The following CPEB1 variants were observed in gnomAD, a reference collection of about 807,000 sequenced individuals.
CPEB1 encodes cytoplasmic polyadenylation element binding protein 1, also known as cytoplasmic polyadenylation element-binding protein 1.
In CPEB1, 7 loss-of-function variants were observed where a neutral mutation model predicts 65.8. That is an observed-to-expected ratio of 0.11 (90% CI 0.06 to 0.20). The LOEUF is 0.20. CPEB1 is among the 10% of genes least tolerant of loss of function. The probability of loss-of-function intolerance (pLI) is 1.00; values close to 1 mark genes in which losing one functional copy is unlikely to be tolerated. For synonymous variants in CPEB1, 262 were observed against 260.0 expected, an observed-to-expected ratio of 1.01 and a Z score of -0.08; for missense variants, 551 against 712.2, an observed-to-expected ratio of 0.77 and a Z score of 2.58.
At position 82,544,715 on chromosome 15, in the gene CPEB1, A is replaced by G; in HGVS notation, c.1657-13T>C. The stretch of plus-strand genomic sequence containing the variant: ...ATTTGAAGCAGACCTGGGTTGGGGG[A>G]ACAAAAAGGAGGATGCCATGCCTGT... On this transcript the variant is annotated splice_polypyrimidine_tract_variant and intron_variant, in intron 12 of 12. Transcript: ENST00000684509. 1.9e-6 allele frequency: 3 copies of G among 1,598,752 alleles called. No homozygotes were observed. The highest frequency in any genetic ancestry group is 2.6e-6 in the Non-Finnish European group (3 of 1,167,610).
At chr15:82,589,297 G>A (rs1005821260) in intron 3 of CPEB1, among the ~76,000 whole-genome samples, 1 of 152,222 alleles carries the variant, frequency 6.6e-6, no homozygotes, top group Admixed American at 6.5e-5. Context: ...CTACATGGCT[G>A]ACTACTTGTT....
At chr15:82,614,144 C>CTCCTAACCACATAAAAATATG (rs1303418438) in intron 3 of CPEB1, among the ~76,000 whole-genome samples, 1 of 152,086 alleles carries the variant, frequency 6.6e-6, no homozygotes, top group Non-Finnish European at 1.5e-5. Context: ...GCGTCCTCTT[C>CTCCTAACCACATAAAAATATG]GTCACTCCTA....
At chr15:82,572,705 A>C (rs2040207196) in intron 3 of CPEB1, among the ~76,000 whole-genome samples, 3 of 152,170 alleles carry the variant, frequency 2.0e-5, no homozygotes, top group African/African-American at 7.2e-5. Flanking sequence ...TAGCTCTGTC[A>C]ATATTGCTTC....
chr15:82,620,937 A>G (rs901348974), intron 3 of CPEB1, among the ~76,000 whole-genome samples: 1 of 152,234 alleles, frequency 6.6e-6, no homozygotes, highest in Non-Finnish European at 1.5e-5. Context: ...GTATATAAAA[A>G]TTCAGTGAAT....
intron 3 of CPEB1, among the ~76,000 whole-genome samples, chr15:82,594,552 C>T (rs543941067): frequency 6.6e-4 from 101 of 152,296 alleles, no homozygotes; most frequent in Non-Finnish European, 1.3e-3. Flanking sequence ...ACTACTCAAA[C>T]TTTCCCATAT....
At chr15:82,601,280 C>A (rs1235942844) in intron 3 of CPEB1, among the ~76,000 whole-genome samples, 1 of 151,736 alleles carries the variant, frequency 6.6e-6, no homozygotes, top group African/African-American at 2.4e-5. Flanking sequence ...GTGGCTCACG[C>A]CTGTAATCCC....
chr15:82,601,370 G>A (rs556888951), intron 3 of CPEB1, among the ~76,000 whole-genome samples: 5 of 151,860 alleles, frequency 3.3e-5, no homozygotes, highest in East Asian at 3.9e-4. Context: ...ACTAAACCCC[G>A]TTTCTACTAA....
intron 2 of CPEB1, 40 bp from the exon 3 acceptor site, chr15:82,627,407 T>C (rs946299481): frequency 1.3e-6 from 2 of 1,487,782 alleles, no homozygotes; most frequent in African/African-American, 2.8e-5. Flanking sequence ...TTTTCTACAC[T>C]CCTTTATGAC....
At position 82,608,516 on chromosome 15, in the gene CPEB1, G is replaced by A. The variant is rs201740642; in HGVS notation, c.271+18677C>T. 5.0e-3 allele frequency among the ~76,000 whole-genome samples: 742 copies of A among 148,984 alleles called. 5 individuals are homozygous for A. The highest frequency in any genetic ancestry group is 6.1e-3 in the Non-Finnish European group (411 of 67,594). ...GTTTTCAGGGTTGTAGTAGAGCTAG[G>A]GAGGAAGGTATGAAAATAATACAAA... On this transcript the variant is annotated intron_variant, in intron 3 of 12. Transcript: ENST00000684509.
At chr15:82,593,943 T>C (rs1241626274) in intron 3 of CPEB1, among the ~76,000 whole-genome samples, 2 of 152,232 alleles carry the variant, frequency 1.3e-5, no homozygotes, top group Non-Finnish European at 2.9e-5. Context: ...CAGTTAGCCA[T>C]AGTGCAAACA....
chr15:82,552,721 A>G (rs1284786603), intron 8 of CPEB1, 105 bp from the exon 9 acceptor site: 5 of 1,263,644 alleles, frequency 4.0e-6, no homozygotes, highest in East Asian at 2.4e-5. Context: ...GGTCTTGTGT[A>G]TAAGATACAT....
In CPEB1 at chr15:82,544,574, T is replaced by TG; in HGVS notation, c.*17dup. On this transcript the variant is annotated 3_prime_UTR_variant, in exon 13 of 13. Coordinates refer to ENST00000684509, the MANE Select transcript of CPEB1 (RefSeq NM_001365242.1). Reference sequence around the variant, plus strand: ...GCCAGCTTTGGGCGCCACAGGCCACTGGGCAAGGCCAGCTCCTCTAGCTGG... The same window carrying TG: ...GCCAGCTTTGGGCGCCACAGGCCACTGGGGCAAGGCCAGCTCCTCTAGCTGG... 1 of 1,603,916 alleles carries TG rather than the reference T, an allele frequency of 6.2e-7. No individual in the cohort carries two copies. The highest frequency in any genetic ancestry group is 8.5e-7 in the Non-Finnish European group (1 of 1,173,202).
intron 3 of CPEB1, among the ~76,000 whole-genome samples, chr15:82,596,942 T>C (rs1356510407): frequency 2.0e-5 from 3 of 152,182 alleles, no homozygotes; most frequent in East Asian, 1.9e-4. Flanking sequence ...CCTCCAATGC[T>C]GAAATGCCAA....
At chr15:82,580,698 T>C (rs1306229753) in intron 3 of CPEB1, among the ~76,000 whole-genome samples, 2 of 152,176 alleles carry the variant, frequency 1.3e-5, no homozygotes, top group Non-Finnish European at 2.9e-5. Context: ...TCCTAGCCCC[T>C]GGTTACCATT....
At chr15:82,580,345 A>T (rs376851620) in intron 3 of CPEB1, among the ~76,000 whole-genome samples, 1 of 151,810 alleles carries the variant, frequency 6.6e-6, no homozygotes, top group Middle Eastern at 3.2e-3. Context: ...GAAGAAGAAG[A>T]AAAAAGAAAT....
In CPEB1 at chr15:82,576,713, ATTGAT is replaced by A. The variant is rs2040689925; in HGVS notation, c.272-5186_272-5182del. Among the ~76,000 whole-genome samples the A allele has an allele frequency of 2.6e-5, 4 of 152,338 alleles. No homozygotes were observed. The South Asian group carries it at 8.3e-4, about 32-fold the overall frequency. ...AAAAAATGAAAGTCTGACTGAACTA[ATTGAT>A]TTGACAATAAAAACTGACTCCAGGC... On this transcript the variant is annotated intron_variant, in intron 3 of 12. Transcript: ENST00000684509.
intron 3 of CPEB1, among the ~76,000 whole-genome samples, chr15:82,584,677 CAA>C (rs11320676): frequency 1.7e-3 from 146 of 83,632 alleles, no homozygotes; most frequent in African/African-American, 3.3e-3. Flanking sequence ...GAGACTCCAT[CAA>C]AAAAAAAAAA....
At chr15:82,553,603 C>T in intron 7 of CPEB1, 47 bp from the exon 8 acceptor site, 1 of 1,374,862 alleles carries the variant, frequency 7.3e-7, no homozygotes, top group Non-Finnish European at 1.0e-6. Context: ...AACCATCTTT[C>T]CCAGTAAAGA....
At chr15:82,644,383 A>G (rs587769666) in intron 1 of CPEB1, among the ~76,000 whole-genome samples, 93 of 152,284 alleles carry the variant, frequency 6.1e-4, no homozygotes, top group African/African-American at 2.1e-3. Context: ...GGTTCACACA[A>G]TTCCATCACT....
Sources: gnomAD v4.1 joint callset for allele counts (sites outside exome capture counted in the v4.1 genomes callset) on GRCh38, gnomAD v4.1.1 for gene constraint, MANE v1.5 for transcripts, NCBI Gene and HGNC (gene_info 2026-07-23, HGNC 2026-07-21) for gene names.